The following GPR141 variants were observed in gnomAD, a reference collection of about 807,000 sequenced individuals.
The protein encoded by GPR141 is probable G protein-coupled receptor 141.
In GPR141, 6 loss-of-function variants were observed where a neutral mutation model predicts 6.8. The ratio of observed to expected loss-of-function variants is 0.88; its 90% CI spans 0.48 to 1.74. GPR141 has a LOEUF of 1.74. Ranked by LOEUF, GPR141 falls within the 40% of genes most tolerant of loss-of-function variation. GPR141 has a pLI of 0.01. For missense variants in GPR141, 372 were observed against 372.9 expected (o/e 1.00, Z 0.02); for synonymous variants, 140 against 142.3 (o/e 0.98, Z 0.11).
chr7:37,700,157 A>G (rs1026368278), intron 2 of GPR141, among the ~76,000 whole-genome samples: 9 of 152,226 alleles, frequency 5.9e-5, no homozygotes, highest in African/African-American at 1.9e-4. Flanking sequence ...AAATTATTCA[A>G]TTGATGTTCT....
chr7:37,704,808 T>C (rs1205345875), intron 2 of GPR141, among the ~76,000 whole-genome samples: 6 of 152,184 alleles, frequency 3.9e-5, no homozygotes, highest in African/African-American at 1.4e-4. Context: ...CGCTTACCTT[T>C]CTTGATTTAT....
intron 2 of GPR141, among the ~76,000 whole-genome samples, chr7:37,734,258 C>T (rs904754772): frequency 3.9e-5 from 6 of 152,064 alleles, no homozygotes; most frequent in African/African-American, 1.2e-4. Context: ...TGTCTCATAA[C>T]GACTATATGA....
At chr7:37,697,098 T>G (rs550642582) in intron 2 of GPR141, among the ~76,000 whole-genome samples, 4 of 152,274 alleles carry the variant, frequency 2.6e-5, no homozygotes, top group African/African-American at 7.2e-5. Flanking sequence ...AATGCCAAGA[T>G]CAGAAGACTT....
At chr7:37,737,856 C>T (rs139007003) in intron 2 of GPR141, among the ~76,000 whole-genome samples, 5 of 152,146 alleles carry the variant, frequency 3.3e-5, no homozygotes, top group South Asian at 2.1e-4. Flanking sequence ...GTGGATATTG[C>T]GTGAACTAAC....
intron 2 of GPR141, among the ~76,000 whole-genome samples, chr7:37,691,305 T>C (rs1809756079): frequency 7.8e-6 from 1 of 128,776 alleles, no homozygotes; most frequent in African/African-American, 2.9e-5. Context: ...TTTTTTTTTT[T>C]TTTTTTTGAG....
rs555421424 is a variant in GPR141 at position 37,726,237 on chromosome 7, CTTGAT to C, written c.-14-14136_-14-14132del. ...AAGGCCTTTCAGACCATTTCCAAAT[CTTGAT>C]TTGATTCTGAGAAAGGTGAGAAGCC... On this transcript the variant is annotated intron_variant, in intron 2 of 2. Transcript: ENST00000334425. 7.9e-5 allele frequency among the ~76,000 whole-genome samples: 12 copies of C among 152,212 alleles called. No homozygotes were observed. The South Asian group carries it at 1.9e-3, about 24-fold the overall frequency.
At chr7:37,686,720 A>C (rs551479122) in intron 2 of GPR141, among the ~76,000 whole-genome samples, 1 of 152,288 alleles carries the variant, frequency 6.6e-6, no homozygotes, top group East Asian at 1.9e-4. Flanking sequence ...AGTAGTTGCT[A>C]AGTCCAAAGA....
chr7:37,705,501 A>C (rs1453782171), intron 2 of GPR141, among the ~76,000 whole-genome samples: 1 of 152,210 alleles, frequency 6.6e-6, no homozygotes, highest in Non-Finnish European at 1.5e-5. Context: ...AGGAAAGTAC[A>C]TCTGCAAATC....
In GPR141 at chr7:37,743,182, T is replaced by C. The variant is rs75669259; in HGVS notation, c.*1871T>C. 0.033 allele frequency among the ~76,000 whole-genome samples: 5,029 copies of C among 152,062 alleles called. 114 individuals carry two copies. Among genetic ancestry groups the C allele is most frequent in the East Asian group, 0.089 (461 of 5,182 alleles). On this transcript the variant is annotated 3_prime_UTR_variant, in exon 3 of 3. Coordinates refer to ENST00000334425, the MANE Select transcript of GPR141 (RefSeq NM_001381946.1). ...GAATGAATTAAGGGAACTTTTTTTT[T>C]CATCAAGGTATATCTTCGGGATTTA... is the stretch of plus-strand genomic sequence containing the variant.
intron 2 of GPR141, among the ~76,000 whole-genome samples, chr7:37,719,176 A>AATG (rs1200098583): frequency 6.6e-6 from 1 of 152,174 alleles, no homozygotes; most frequent in Non-Finnish European, 1.5e-5. Context: ...CCCGGAAACA[A>AATG]ATGCCTTTGG....
intron 2 of GPR141, among the ~76,000 whole-genome samples, chr7:37,686,142 G>T (rs1809501058): frequency 6.7e-6 from 1 of 149,908 alleles, no homozygotes; most frequent in African/African-American, 2.5e-5. Context: ...GGGAGTGCAG[G>T]TGTGAGCCAC....
intron 2 of GPR141, among the ~76,000 whole-genome samples, chr7:37,730,576 A>G (rs1811877889): frequency 6.6e-6 from 1 of 152,246 alleles, no homozygotes; most frequent in Non-Finnish European, 1.5e-5. Context: ...GGTTCTGTAT[A>G]TAACACGCGT....
At chr7:37,719,751 G>A (rs1811226183) in intron 2 of GPR141, among the ~76,000 whole-genome samples, 1 of 152,198 alleles carries the variant, frequency 6.6e-6, no homozygotes, top group African/African-American at 2.4e-5. Context: ...GAGGAAATGA[G>A]TGAAATTAGT....
chr7:37,726,215 G>C, intron 2 of GPR141, among the ~76,000 whole-genome samples: 1 of 152,192 alleles, frequency 6.6e-6, no homozygotes, highest in East Asian at 1.9e-4. Flanking sequence ...ATCCTGTAAG[G>C]CCTTTCAGAC....
chr7:37,722,930 C>CCTTT (rs1377443761), intron 2 of GPR141, among the ~76,000 whole-genome samples: 1 of 70,426 alleles, frequency 1.4e-5, no homozygotes, highest in Non-Finnish European at 2.9e-5. Flanking sequence ...TCCTTTCCTT[C>CCTTT]CTTCCTTCCT....
Position 37,683,819 on chromosome 7 carries a change from C to T in GPR141, c.-223C>T, listed in dbSNP as rs560154327. 11 of 152,324 alleles carry T rather than the reference C, an allele frequency of 7.2e-5. No homozygotes were observed. The highest frequency in any genetic ancestry group is 2.6e-4 in the African/African-American group (11 of 41,550). 9.4% of individuals were successfully genotyped at this position (152,324 alleles called of 1,614,324 possible). Reference sequence around the variant, plus strand: ...GCAGAGCATGGAAATGACCCAGCTGCCCTGCTGTTGAAACAGAATCCTATT... The same window carrying T: ...GCAGAGCATGGAAATGACCCAGCTGTCCTGCTGTTGAAACAGAATCCTATT... On this transcript the variant is annotated 5_prime_UTR_variant, in exon 1 of 3. Transcript: ENST00000334425.
rs1039815993 is a variant in GPR141 at position 37,733,286 on chromosome 7, G to C, written c.-14-7094G>C. ...GTCCTAGGTTTTGGGATGGGAAGAA[G>C]CCCCAGCTCCTGGGAATAACTGTGA... On this transcript the variant is annotated intron_variant, in intron 2 of 2. Transcript: ENST00000334425. Among the ~76,000 whole-genome samples the C allele has an allele frequency of 4.6e-5, 7 of 152,144 alleles. No homozygotes were observed. In the East Asian group the frequency reaches 1.2e-3, roughly 25 times the overall value.
At chr7:37,707,153 C>T (rs1044744004) in intron 2 of GPR141, among the ~76,000 whole-genome samples, 1 of 152,156 alleles carries the variant, frequency 6.6e-6, no homozygotes, top group African/African-American at 2.4e-5. Flanking sequence ...TCCTGAACCT[C>T]CCAGAACGTC....
At chr7:37,739,080 C>A (rs1031276947) in intron 2 of GPR141, among the ~76,000 whole-genome samples, 1 of 151,974 alleles carries the variant, frequency 6.6e-6, no homozygotes, top group Non-Finnish European at 1.5e-5. Context: ...AATGTTTTGC[C>A]CCTCACAAGG....
Sources: allele counts gnomAD v4.1 joint callset (sites outside exome capture counted in the v4.1 genomes callset), GRCh38; gene constraint gnomAD v4.1.1; transcripts MANE v1.5; gene names NCBI Gene and HGNC (gene_info 2026-07-23, HGNC 2026-07-21).